CEP57: variants seen among roughly 807,000 people sequenced by gnomAD.
The protein encoded by CEP57 is centrosomal protein 57, also known as centrosomal protein of 57 kDa.
Under a neutral mutation model 68.0 loss-of-function variants are expected in CEP57, and 40 were observed. The ratio of observed to expected loss-of-function variants is 0.59; its 90% confidence interval spans 0.46 to 0.77. CEP57 has a LOEUF of 0.77. Among genes scored for constraint, CEP57 ranks in the 30% least tolerant of loss-of-function variants. The pLI is 0.00. For missense variants in CEP57, 606 were observed against 580.7 expected (o/e 1.04, Z -0.45); for synonymous variants, 219 against 198.7 (o/e 1.10, Z -0.86).
intron 4 of CEP57, among the ~76,000 whole-genome samples, chr11:95,815,701 G>A (rs1167255747): frequency 2.6e-5 from 4 of 152,186 alleles, no homozygotes; most frequent in African/African-American, 7.2e-5. Context: ...TGTAATGCCA[G>A]CACTTAGGAG....
rs1862177487 is a variant in CEP57, at chr11:95,813,701, C to T, written c.504+112C>T. On this transcript the variant is annotated intron_variant, in intron 4 of 10. Transcript: ENST00000325542. ...TTAATGGTGCTGTTACAGCCCAGGA[C>T]TGAAATTTCTTGGCATCAGTTATGA... 3 of 1,296,332 alleles carry T rather than the reference C, an allele frequency of 2.3e-6. No homozygotes were observed. In the South Asian group the frequency reaches 3.8e-5, roughly 17 times the overall value. 80.3% of individuals were successfully genotyped at this position (1,296,332 alleles called of 1,614,324 possible). A position where few individuals can be genotyped will look rare whatever the true frequency, so the allele number is the denominator to read the frequency against.
chr11:95,819,468 A>G lies in CEP57; in HGVS notation c.699+564A>G, dbSNP rs527757283. Reference sequence around the variant, plus strand: ...TCACAAAAGCATTGAGTTTATATGTACCAACCAGAACTGCATTTCTAGGAG... The same window carrying G: ...TCACAAAAGCATTGAGTTTATATGTGCCAACCAGAACTGCATTTCTAGGAG... On this transcript the variant is annotated intron_variant, in intron 6 of 10. Transcript: ENST00000325542. 2.0e-5 allele frequency among the ~76,000 whole-genome samples: 3 copies of G among 152,312 alleles called. No individual in the cohort carries two copies. The East Asian group carries it at 5.8e-4, about 29-fold the overall frequency.
intron 1 of CEP57, chr11:95,794,361 T>G (rs77122249): frequency 0.053 from 24,144 of 455,352 alleles, 858 homozygotes; most frequent in African/African-American, 0.1. Context: ...GTTCACAGAG[T>G]ATGTGCGTCT....
intron 8 of CEP57, chr11:95,822,883 G>A (rs578131813): frequency 2.8e-5 from 10 of 359,452 alleles, no homozygotes; most frequent in South Asian, 1.6e-4. Context: ...TATGTTTGTA[G>A]CATTGGATTT....
chr11:95,806,507 C>G (rs1378368288), intron 2 of CEP57, among the ~76,000 whole-genome samples: 4 of 152,168 alleles, frequency 2.6e-5, no homozygotes, highest in Non-Finnish European at 5.9e-5. Flanking sequence ...CCTGGAAAAT[C>G]AGGACACTCC....
At chr11:95,808,307 A>G (rs1202853742) in intron 2 of CEP57, among the ~76,000 whole-genome samples, 1 of 152,172 alleles carries the variant, frequency 6.6e-6, no homozygotes, top group Non-Finnish European at 1.5e-5. Flanking sequence ...AAACTGCATC[A>G]ACTAACGAGC....
At chr11:95,826,030 AAAGTC>A (rs1200144666) in intron 8 of CEP57, 1 of 152,214 alleles carries the variant, frequency 6.6e-6, no homozygotes, top group African/African-American at 2.4e-5. Context: ...AAAAAGCAGA[AAAGTC>A]AAGACAAATT....
chr11:95,802,328 C>T (rs1861617735), intron 2 of CEP57, among the ~76,000 whole-genome samples: 1 of 149,938 alleles, frequency 6.7e-6, no homozygotes, highest in Non-Finnish European at 1.5e-5. Context: ...GATCTTGGCT[C>T]ACTACAACCT....
chr11:95,790,677 G>A lies in CEP57; in HGVS notation c.-22G>A. 1 of 1,613,262 alleles carries A rather than the reference G, an allele frequency of 6.2e-7. No homozygotes were observed. Among genetic ancestry groups the A allele is most frequent in the Non-Finnish European group, 8.5e-7 (1 of 1,179,678 alleles). The stretch of plus-strand genomic sequence containing the variant: ...ACCTAGACCGCCCCCGAAGTGCGGA[G>A]ACCCCCTGGGCAGGCTGAAAGATGG... On this transcript the variant is annotated 5_prime_UTR_variant, in exon 1 of 11. Coordinates refer to ENST00000325542, the MANE Select transcript of CEP57 (RefSeq NM_014679.5).
intron 1 of CEP57, among the ~76,000 whole-genome samples, chr11:95,793,046 G>T (rs1431780515): frequency 6.6e-6 from 1 of 152,100 alleles, no homozygotes; most frequent in African/African-American, 2.4e-5. Context: ...AAACTCATAC[G>T]GAGCTAGTTA....
chr11:95,819,200 C>G (rs1257636862), intron 6 of CEP57, among the ~76,000 whole-genome samples: 3 of 152,240 alleles, frequency 2.0e-5, no homozygotes, highest in East Asian at 3.9e-4. Context: ...TCATGTAAAA[C>G]TTCTTACGGC....
intron 1 of CEP57, among the ~76,000 whole-genome samples, chr11:95,797,061 A>C (rs1411460956): frequency 6.6e-6 from 1 of 152,074 alleles, no homozygotes; most frequent in Non-Finnish European, 1.5e-5. Flanking sequence ...TACATAATTG[A>C]GTAAATTATT....
rs747178717 is a variant in CEP57, at chr11:95,817,916, G to A, written c.621+13G>A. The A allele has an allele frequency of 6.7e-6, 10 of 1,500,754 alleles. No individual in the cohort carries two copies. Among genetic ancestry groups the A allele is most frequent in the Non-Finnish European group, 9.3e-6 (10 of 1,077,094 alleles). The allele number at this position is 1,500,754 out of a possible 1,614,324, so 93.0% of individuals were successfully genotyped here. A position where few individuals can be genotyped will look rare whatever the true frequency, so the allele number is the denominator to read the frequency against. ...GGCCCTTGCAGAAGTCAGTGCATGT[G>A]TCTTTTTATTGTTAACATATATCAG... On this transcript the variant is annotated intron_variant, in intron 5 of 10. Coordinates refer to ENST00000325542, the MANE Select transcript of CEP57 (RefSeq NM_014679.5).
chr11:95,807,339 A>G (rs1861846218), intron 2 of CEP57, among the ~76,000 whole-genome samples: 1 of 152,230 alleles, frequency 6.6e-6, no homozygotes. Context: ...CCTTGCCAGC[A>G]ACAGAACAAA....
At chr11:95,794,026 A>T (rs571011163) in intron 1 of CEP57, among the ~76,000 whole-genome samples, 2 of 152,324 alleles carry the variant, frequency 1.3e-5, no homozygotes, top group Admixed American at 6.5e-5. Context: ...ACAAAATAAC[A>T]TATCCAACAG....
chr11:95,813,075 G>A lies in CEP57; in HGVS notation c.346G>A (p.Glu116Lys), dbSNP rs750671543. 5.6e-6 allele frequency: 9 copies of A among 1,613,172 alleles called. No individual in the cohort carries two copies. The highest frequency in any genetic ancestry group is 2.5e-6 in the Non-Finnish European group (3 of 1,179,950). The change falls in exon 3 of 11, where the codon GAG becomes AAG. Residue 116 changes from glutamate to lysine, a missense_variant. Physicochemically the swap from Glu to Lys is moderately conservative, Grantham distance 56. Coordinates refer to ENST00000325542, the MANE Select transcript of CEP57 (RefSeq NM_014679.5). ...ACTGGATGAACAGATACAAGAAAGG[G>A]AGAATTCAAAGAATGAGGAATCAAA... ...KVLDEQIQER[E>K]NSKNEESKHN...
chr11:95,792,838 C>T (rs1053292020), intron 1 of CEP57, among the ~76,000 whole-genome samples: 1 of 151,748 alleles, frequency 6.6e-6, no homozygotes, highest in Non-Finnish European at 1.5e-5. Context: ...TTAGATGTCC[C>T]ATCAGAAATA....
In CEP57 at chr11:95,829,340, G is replaced by A; in HGVS notation, c.1272+9G>A. 6.2e-7 allele frequency: 1 copy of A among 1,609,540 alleles called. No individual in the cohort carries two copies. Among genetic ancestry groups the A allele is most frequent in the Non-Finnish European group, 8.5e-7 (1 of 1,177,614 alleles). ...GAAAATACCAAGCCCAGGTAACTCA[G>A]TTTTCCTTCACTCAAGTTTCTAATG... On this transcript the variant is annotated intron_variant, in intron 10 of 10. Coordinates refer to ENST00000325542, the MANE Select transcript of CEP57 (RefSeq NM_014679.5).
chr11:95,799,383 G>A lies in CEP57; in HGVS notation c.197G>A (p.Ser66Asn). 6.2e-7 allele frequency: 1 copy of A among 1,613,916 alleles called. No individual in the cohort carries two copies. Among genetic ancestry groups the A allele is most frequent in the Non-Finnish European group, 8.5e-7 (1 of 1,179,870 alleles). Residue 66 changes from serine (S) to asparagine (N), a missense_variant, in exon 2 of 11, where the codon AGC becomes AAC. Coordinates refer to ENST00000325542, the MANE Select transcript of CEP57 (RefSeq NM_014679.5). ...ACACTTGCCTATCCAGAAAGCAACA[G>A]CAGAGGTAATCGAGCCTAACGAAAT... ...KPTLAYPESN[S>N]RAIFSALKNL...
Sources: allele counts gnomAD v4.1 joint callset (sites outside exome capture counted in the v4.1 genomes callset), GRCh38; gene constraint gnomAD v4.1.1; transcripts MANE v1.5; gene names NCBI Gene and HGNC (gene_info 2026-07-23, HGNC 2026-07-21).